The following STK3 variants were observed in gnomAD, a reference collection of about 807,000 sequenced individuals.
STK3 encodes serine/threonine kinase 3.
STK3 carries 41 observed loss-of-function variants against 58.0 expected under a neutral mutation model. That is an observed-to-expected ratio of 0.71 (90% CI 0.55 to 0.92). The LOEUF (loss-of-function observed/expected upper bound fraction) is 0.92, where lower values mean the gene tolerates loss of function less well. Among genes scored for constraint, STK3 ranks in the 40% least tolerant of loss-of-function variants. The pLI, the probability that STK3 is intolerant of heterozygous loss-of-function variation, is 0.00. For missense variants in STK3, 479 were observed against 602.7 expected, an observed-to-expected ratio of 0.79 and a Z score of 2.15; for synonymous variants, 170 against 191.0, an observed-to-expected ratio of 0.89 and a Z score of 0.91.
intron 6 of STK3, among the ~76,000 whole-genome samples, chr8:98,605,317 G>A (rs982689096): frequency 5.9e-5 from 9 of 152,100 alleles, no homozygotes; most frequent in Non-Finnish European, 1.2e-4. Flanking sequence ...ATAAAGAAAA[G>A]AAGTTTAACT....
chr8:98,868,685 G>A (rs764519498), intron 3 of STK3, among the ~76,000 whole-genome samples: 4 of 152,124 alleles, frequency 2.6e-5, no homozygotes, highest in Non-Finnish European at 5.9e-5. Context: ...TTAGAAAAAG[G>A]GACCTAGTGC....
intron 6 of STK3, among the ~76,000 whole-genome samples, chr8:98,693,455 G>A (rs1479130853): frequency 6.6e-6 from 1 of 152,130 alleles, no homozygotes; most frequent in African/African-American, 2.4e-5. Flanking sequence ...TGGAGATGTA[G>A]GCAGAGATTA....
At chr8:98,903,740 T>C (rs1838775509) in intron 1 of STK3, among the ~76,000 whole-genome samples, 1 of 152,084 alleles carries the variant, frequency 6.6e-6, no homozygotes, top group Non-Finnish European at 1.5e-5. Context: ...TGGAAACTAA[T>C]GTTGCATTAT....
At position 98,417,784 on chromosome 8, in the gene STK3, G is replaced by T. The variant is rs146598709; in HGVS notation, n.484-16271C>A. 4.6e-5 allele frequency among the ~76,000 whole-genome samples: 7 copies of T among 152,236 alleles called. No individual in the cohort carries two copies. The East Asian group carries it at 1.4e-3, about 29-fold the overall frequency. ...CTAGCTTTTGTTATTATTACAAAGA[G>T]GCCGTCCCAGCCAAGCACCTGCCTA... On this transcript the variant is annotated intron_variant and non_coding_transcript_variant, in intron 3 of 3. Coordinates refer to the STK3 transcript ENST00000517832.
chr8:98,538,778 T>C (rs1809990919), intron 9 of STK3, among the ~76,000 whole-genome samples: 1 of 152,178 alleles, frequency 6.6e-6, no homozygotes, highest in Non-Finnish European at 1.5e-5. Flanking sequence ...CCAAAATGCA[T>C]ACACCAGCAG....
chr8:98,646,324 G>A (rs1026147747), intron 6 of STK3, among the ~76,000 whole-genome samples: 1 of 152,104 alleles, frequency 6.6e-6, no homozygotes, highest in African/African-American at 2.4e-5. Flanking sequence ...CTAGTTCCCA[G>A]AAAACACCCA....
chr8:98,833,412 T>C (rs1835616257), intron 3 of STK3, among the ~76,000 whole-genome samples: 2 of 152,160 alleles, frequency 1.3e-5, no homozygotes, highest in African/African-American at 4.8e-5. Context: ...GAATAGATGG[T>C]AAATGTCTCT....
chr8:98,907,426 T>A (rs553790187), intron 1 of STK3, among the ~76,000 whole-genome samples: 5 of 151,456 alleles, frequency 3.3e-5, no homozygotes, highest in African/African-American at 1.2e-4. Context: ...GGCAGGAGAA[T>A]CCCTTGAACC....
At chr8:98,891,682 AG>A (rs1464022760) in intron 1 of STK3, among the ~76,000 whole-genome samples, 2 of 152,088 alleles carry the variant, frequency 1.3e-5, no homozygotes, top group East Asian at 3.8e-4. Flanking sequence ...CAGTAGTAAA[AG>A]AAAGCTGATT....
chr8:98,514,281 G>T (rs1016038551), intron 10 of STK3, among the ~76,000 whole-genome samples: 1 of 152,078 alleles, frequency 6.6e-6, no homozygotes, highest in Admixed American at 6.6e-5. Flanking sequence ...AAATGAAAGT[G>T]ACCAAAAAGT....
intron 10 of STK3, among the ~76,000 whole-genome samples, chr8:98,458,170 T>C (rs1277126788): frequency 6.6e-6 from 1 of 152,072 alleles, no homozygotes; most frequent in African/African-American, 2.4e-5. Flanking sequence ...TATGCTCTTT[T>C]TTGGTTCTAT....
intron 3 of STK3, among the ~76,000 whole-genome samples, chr8:98,835,049 G>A (rs1301010622): frequency 6.6e-6 from 1 of 152,174 alleles, no homozygotes; most frequent in Non-Finnish European, 1.5e-5. Flanking sequence ...TAGTGGGTGA[G>A]GCAGCTAGAC....
intron 3 of STK3, among the ~76,000 whole-genome samples, chr8:98,857,273 G>C (rs1196397081): frequency 6.6e-6 from 1 of 152,150 alleles, no homozygotes; most frequent in Non-Finnish European, 1.5e-5. Context: ...CCACCCAAGG[G>C]TTGTATTTGA....
chr8:98,702,075 G>A (rs1443899357), intron 6 of STK3, among the ~76,000 whole-genome samples: 3 of 151,934 alleles, frequency 2.0e-5, no homozygotes, highest in Non-Finnish European at 4.4e-5. Flanking sequence ...GTGAAGATTC[G>A]GTTTACATAT....
chr8:98,586,324 C>A (rs1281648242), intron 7 of STK3, among the ~76,000 whole-genome samples: 1 of 152,098 alleles, frequency 6.6e-6, no homozygotes, highest in Admixed American at 6.5e-5. Context: ...TGAATTTTGT[C>A]AAAGGCCTTT....
At chr8:98,826,115 C>A (rs1189803720), upstream of STK3, among the ~76,000 whole-genome samples, 1 of 152,140 alleles carries the variant, frequency 6.6e-6, no homozygotes, top group African/African-American at 2.4e-5. Context: ...AAGGGCAAGT[C>A]CCTCTGAGCT....
intron 3 of STK3, among the ~76,000 whole-genome samples, chr8:98,877,646 G>A (rs1837605287): frequency 6.6e-6 from 1 of 151,954 alleles, no homozygotes; most frequent in Non-Finnish European, 1.5e-5. Flanking sequence ...ACTACACCCG[G>A]CTAATTTTGT....
chr8:98,422,015 T>C (rs983537703), intron 3 of STK3, among the ~76,000 whole-genome samples: 1 of 152,078 alleles, frequency 6.6e-6, no homozygotes, highest in Non-Finnish European at 1.5e-5. Flanking sequence ...TAAAGGACTC[T>C]TAGAGAAGCT....
chr8:98,676,816 G>T (rs534538694), intron 6 of STK3, among the ~76,000 whole-genome samples: 1 of 152,222 alleles, frequency 6.6e-6, no homozygotes, highest in Admixed American at 6.5e-5. Flanking sequence ...TTTAAAAGCT[G>T]GTTAAGGTCT....
Sources: gnomAD v4.1 joint callset for allele counts (sites outside exome capture counted in the v4.1 genomes callset) on GRCh38, gnomAD v4.1.1 for gene constraint, MANE v1.5 for transcripts, NCBI Gene and HGNC (gene_info 2026-07-23, HGNC 2026-07-21) for gene names.